Variants in RAB12 observed in about 807,000 individuals in gnomAD.
The protein encoded by RAB12 is RAB12, member RAS oncogene family.
RAB12 carries 11 observed loss-of-function variants against 28.4 expected under a neutral mutation model. The observed-to-expected ratio is 0.39, with a 90% CI of 0.24 to 0.64. The LOEUF is 0.64. RAB12 is among the 30% of genes least tolerant of loss of function. The pLI is 0.50. For synonymous variants in RAB12, 138 were observed against 145.3 expected, an observed-to-expected ratio of 0.95 and a Z score of 0.36; for missense variants, 276 against 351.1, an observed-to-expected ratio of 0.79 and a Z score of 1.71.
intron 5 of RAB12, 82 bp from the exon 6 acceptor site, chr18:8,638,067 G>A (rs893936370): frequency 1.2e-6 from 1 of 849,176 alleles, no homozygotes. Context: ...GACCTGTGCA[G>A]TTGAAACTCA....
At chr18:8,614,272 CT>C (rs139985679) in intron 1 of RAB12, among the ~76,000 whole-genome samples, 22,583 of 151,964 alleles carry the variant, frequency 0.15, 1,872 homozygotes, top group South Asian at 0.21. Context: ...TGTCACTTGC[CT>C]TTTGAATTAA....
intron 2 of RAB12, among the ~76,000 whole-genome samples, chr18:8,629,968 G>C (rs930944903): frequency 1.3e-5 from 2 of 152,194 alleles, no homozygotes; most frequent in Non-Finnish European, 2.9e-5. Context: ...CTTTGCAAGT[G>C]TTAGTCCTTC....
At chr18:8,622,348 A>G (rs750711997) in intron 1 of RAB12, among the ~76,000 whole-genome samples, 23 of 152,186 alleles carry the variant, frequency 1.5e-4, no homozygotes, top group Non-Finnish European at 2.4e-4. Flanking sequence ...GTTCTTTTCT[A>G]TTTTCCCTAA....
At position 8,639,099 on chromosome 18, in the gene RAB12, C is replaced by T. The variant is rs190847856; in HGVS notation, c.*837C>T. On this transcript the variant is annotated 3_prime_UTR_variant, in exon 6 of 6. Coordinates refer to ENST00000649141, the MANE Select transcript of RAB12 (RefSeq NM_001025300.3). Reference sequence around the variant, plus strand: ...CTGTACCTTTGTAATGATAAAACTTCCCCCTTCTTTACGGTGAAGCTTATT... The same window carrying T: ...CTGTACCTTTGTAATGATAAAACTTTCCCCTTCTTTACGGTGAAGCTTATT... 1,267 of 135,982 alleles carry T rather than the reference C, an allele frequency of 9.3e-3. 6 individuals carry two copies. The highest frequency in any genetic ancestry group is 0.015 in the Non-Finnish European group (962 of 65,232). 8.4% of individuals were successfully genotyped at this position (135,982 alleles called of 1,614,324 possible).
Position 8,609,664 on chromosome 18 carries a change from CGGGGCGCGCAGCCGG to C in RAB12, c.232_246del (p.Arg78_Ala82del). On this transcript the variant is annotated inframe_deletion, in exon 1 of 6. Transcript: ENST00000649141. ...CGGAGGCCGAGGGGGCGCCGGGGCC[CGGGGCGCGCAGCCGG>C]GGGGCGGGCGGCGGCGGGCGGCGGG... The C allele has an allele frequency of 1.1e-6, 1 of 874,120 alleles. No individual in the cohort carries two copies. Among genetic ancestry groups the C allele is most frequent in the Non-Finnish European group, 1.4e-6 (1 of 731,552 alleles). 54.1% of individuals were successfully genotyped at this position (874,120 alleles called of 1,614,324 possible).
intron 3 of RAB12, chr18:8,635,035 T>A (rs2148711919): frequency 6.6e-6 from 1 of 152,376 alleles, no homozygotes; most frequent in East Asian, 1.9e-4. Flanking sequence ...ACCTCTGGCA[T>A]CCTGAAAAAC....
intron 1 of RAB12, among the ~76,000 whole-genome samples, chr18:8,623,822 C>G (rs1436708257): frequency 2.0e-5 from 3 of 152,244 alleles, no homozygotes; most frequent in African/African-American, 7.2e-5. Context: ...ATTCATGCAA[C>G]TTCTCTCCTA....
At chr18:8,623,170 A>G (rs898405951) in intron 1 of RAB12, among the ~76,000 whole-genome samples, 6 of 152,232 alleles carry the variant, frequency 3.9e-5, no homozygotes, top group African/African-American at 1.4e-4. Context: ...AGGCATAGGA[A>G]ATCACAAGGG....
chr18:8,613,036 A>T (rs796903438), intron 1 of RAB12, among the ~76,000 whole-genome samples: 8 of 152,376 alleles, frequency 5.3e-5, no homozygotes, highest in African/African-American at 1.9e-4. Context: ...GGGATTTGAG[A>T]TGATGAACTA....
intron 2 of RAB12, among the ~76,000 whole-genome samples, chr18:8,628,635 T>TAGA (rs2096014184): frequency 6.6e-6 from 1 of 152,244 alleles, no homozygotes. Context: ...TTGAGGTTTC[T>TAGA]ATCCTCTTTC....
In RAB12 at chr18:8,638,550, G is replaced by GC; in HGVS notation, c.*288_*289insC. 3.9e-6 allele frequency: 1 copy of GC among 259,524 alleles called. No homozygotes were observed. Among genetic ancestry groups the GC allele is most frequent in the Non-Finnish European group, 7.3e-6 (1 of 136,152 alleles). The allele number at this position is 259,524 out of a possible 1,614,324, so 16.1% of individuals were successfully genotyped here. A position where few individuals can be genotyped will look rare whatever the true frequency, so the allele number is the denominator to read the frequency against. On this transcript the variant is annotated 3_prime_UTR_variant, in exon 6 of 6. Transcript: ENST00000649141. The stretch of plus-strand genomic sequence containing the variant: ...GAATGGGAGAAATGAAAGGTATAAT[G>GC]TTTCTTGAAATAAATAATATAATTG...
rs1208295802 is a variant in RAB12 at position 8,633,287 on chromosome 18, C to T, written c.674C>T (p.Thr225Ile). 1 of 1,613,876 alleles carries T rather than the reference C, an allele frequency of 6.2e-7. No individual in the cohort carries two copies. Among genetic ancestry groups the T allele is most frequent in the Admixed American group, 1.7e-5 (1 of 59,982 alleles). The change falls in exon 3 of 6, where the codon ACA (threonine) becomes ATA (isoleucine). Residue 225 changes from threonine (T) to isoleucine (I), a missense_variant. Physicochemically the swap from Thr to Ile is moderately conservative, Grantham distance 89 (BLOSUM62 -1). Coordinates refer to ENST00000649141, the MANE Select transcript of RAB12 (RefSeq NM_001025300.3). ...GTATATGATATCACTAAGAAGGAGA[C>T]ATTTGATGATTTGCCGAAATGGATG... ...ILVYDITKKE[T>I]FDDLPKWMKM...
chr18:8,637,216 C>G (rs1254627381), intron 5 of RAB12, among the ~76,000 whole-genome samples: 1 of 149,870 alleles, frequency 6.7e-6, no homozygotes, highest in African/African-American at 2.5e-5. Context: ...GAATTTGATA[C>G]AGTGAGCTAT....
chr18:8,633,636 C>T (rs1333433217), intron 3 of RAB12, among the ~76,000 whole-genome samples: 8 of 152,128 alleles, frequency 5.3e-5, no homozygotes, highest in African/African-American at 9.7e-5. Flanking sequence ...TTCATTTCTG[C>T]GGAAAGGTCA....
intron 1 of RAB12, among the ~76,000 whole-genome samples, chr18:8,611,764 G>A (rs766796884): frequency 1.3e-5 from 2 of 152,308 alleles, no homozygotes; most frequent in African/African-American, 2.4e-5. Context: ...AGGAGACCAA[G>A]CAGTTTGTTT....
chr18:8,610,642 T>C (rs12960076), intron 1 of RAB12, among the ~76,000 whole-genome samples: 78,046 of 152,038 alleles, frequency 0.51, 21,965 homozygotes, highest in East Asian at 0.66. Flanking sequence ...AAAACAGCCG[T>C]GGATCTGAAA....
intron 2 of RAB12, 93 bp downstream of exon 2, chr18:8,625,091 C>A (rs554913040): frequency 3.1e-4 from 240 of 771,698 alleles, no homozygotes; most frequent in Middle Eastern, 7.1e-4. Flanking sequence ...GCTGATTTGC[C>A]TCTCCTACTT....
At chr18:8,623,119 C>T (rs144165108) in intron 1 of RAB12, among the ~76,000 whole-genome samples, 1 of 152,214 alleles carries the variant, frequency 6.6e-6, no homozygotes, top group East Asian at 1.9e-4. Flanking sequence ...ACATCCTCCT[C>T]GGCTTACAAG....
intron 5 of RAB12, 119 bp from the exon 6 acceptor site, chr18:8,638,030 G>GT (rs1270418799): frequency 1.6e-6 from 1 of 632,644 alleles, no homozygotes; most frequent in Non-Finnish European, 2.8e-6. Context: ...GGTGAAACTT[G>GT]TATTGAAAAG....
Sources: gnomAD v4.1 joint callset for allele counts (sites outside exome capture counted in the v4.1 genomes callset) on GRCh38, gnomAD v4.1.1 for gene constraint, MANE v1.5 for transcripts, NCBI Gene and HGNC (gene_info 2026-07-23, HGNC 2026-07-21) for gene names.